The following TSHR variants were observed in gnomAD, a reference collection of about 807,000 sequenced individuals.
The protein encoded by TSHR is thyrotropin receptor.
TSHR carries 51 observed loss-of-function variants against 64.1 expected under a neutral mutation model. The observed-to-expected ratio is 0.80, with a 90% CI of 0.64 to 1.01. TSHR has a LOEUF of 1.01. Ranked by LOEUF, TSHR falls within the 50% of genes least tolerant of loss-of-function variation. The pLI, the probability that TSHR is intolerant of heterozygous loss-of-function variation, is 0.00. For synonymous variants in TSHR, 361 were observed against 361.9 expected (o/e 1.00, Z 0.03); for missense variants, 877 against 942.8 (o/e 0.93, Z 0.91).
At chr14:80,993,585 T>C (rs934264692) in intron 1 of TSHR, 1 of 152,116 alleles carries the variant, frequency 6.6e-6, no homozygotes, top group African/African-American at 2.4e-5. Flanking sequence ...CTAATCGTCA[T>C]ATCAAATACA....
rs984067502 is a variant in TSHR, at chr14:81,102,766, A to G, written c.615-5609A>G. On this transcript the variant is annotated intron_variant, in intron 7 of 9. Transcript: ENST00000298171. The stretch of plus-strand genomic sequence containing the variant: ...GGTCATAGTTTGTAGACCTCTGGAT[A>G]AAAGTATTCAGTGAGGATGACCATT... The G allele has an allele frequency of 3.0e-6, 3 of 984,658 alleles. No homozygotes were observed. In the South Asian group the frequency reaches 1.4e-4, roughly 46 times the overall value. The allele number at this position is 984,658 out of a possible 1,614,324, so 61.0% of individuals were successfully genotyped here. A position where few individuals can be genotyped will look rare whatever the true frequency, so the allele number is the denominator to read the frequency against.
At chr14:81,142,795 A>G in intron 9 of TSHR, 145 bp from the exon 10 acceptor site, 1 of 729,186 alleles carries the variant, frequency 1.4e-6, no homozygotes, top group Non-Finnish European at 2.4e-6. Flanking sequence ...TTTTTTATAG[A>G]GATGGGATTT....
At chr14:81,011,498 G>A (rs948454463) in intron 1 of TSHR, among the ~76,000 whole-genome samples, 13 of 151,948 alleles carry the variant, frequency 8.6e-5, no homozygotes, top group African/African-American at 3.1e-4. Flanking sequence ...AATTTGTACA[G>A]TATTTATAGT....
intron 1 of TSHR, among the ~76,000 whole-genome samples, chr14:81,058,498 C>T (rs762659800): frequency 1.3e-5 from 2 of 152,098 alleles, no homozygotes; most frequent in Non-Finnish European, 2.9e-5. Context: ...ACATATGATG[C>T]CTTAATCGTT....
intron 1 of TSHR, among the ~76,000 whole-genome samples, chr14:80,969,919 T>C (rs923614829): frequency 6.6e-6 from 1 of 152,218 alleles, no homozygotes; most frequent in African/African-American, 2.4e-5. Flanking sequence ...CCAGGTAAAT[T>C]ACTTGCTACT....
At chr14:80,985,883 G>A (rs28685026) in intron 1 of TSHR, among the ~76,000 whole-genome samples, 8,691 of 152,266 alleles carry the variant, frequency 0.057, 802 homozygotes, top group African/African-American at 0.2. Flanking sequence ...TTCATTAAGT[G>A]TATAGCACTT....
intron 8 of TSHR, among the ~76,000 whole-genome samples, chr14:81,128,814 C>T (rs1204442256): frequency 6.6e-6 from 1 of 152,152 alleles, no homozygotes; most frequent in African/African-American, 2.4e-5. Context: ...TTGAGATCTT[C>T]CCTGAATGCC....
intron 1 of TSHR, chr14:81,001,677 A>T: frequency 1.9e-6 from 1 of 515,220 alleles, no homozygotes; most frequent in Non-Finnish European, 3.9e-6. Context: ...GGCTTTTCGT[A>T]CAGGCACACC....
intron 1 of TSHR, among the ~76,000 whole-genome samples, chr14:80,956,775 A>G (rs1024114528): frequency 6.6e-6 from 1 of 152,210 alleles, no homozygotes; most frequent in African/African-American, 2.4e-5. Context: ...TTAGCTCATG[A>G]AGACTATTTA....
At chr14:81,016,303 A>G (rs1320376111) in intron 1 of TSHR, among the ~76,000 whole-genome samples, 2 of 152,154 alleles carry the variant, frequency 1.3e-5, no homozygotes, top group Non-Finnish European at 2.9e-5. Context: ...CTTTGTGTTG[A>G]TAACCATCCT....
intron 1 of TSHR, among the ~76,000 whole-genome samples, chr14:81,055,585 C>G (rs1246863131): frequency 6.6e-6 from 1 of 152,178 alleles, no homozygotes; most frequent in Non-Finnish European, 1.5e-5. Context: ...TGTCCAACAC[C>G]ATGGGAACTC....
chr14:81,020,496 C>A (rs150360417), intron 1 of TSHR, among the ~76,000 whole-genome samples: 17 of 152,148 alleles, frequency 1.1e-4, no homozygotes, highest in Admixed American at 1.1e-3. Context: ...ACTGCACATG[C>A]GAGGGACCTA....
chr14:81,131,240 T>A (rs1891236261), intron 8 of TSHR, among the ~76,000 whole-genome samples: 1 of 152,116 alleles, frequency 6.6e-6, no homozygotes, highest in African/African-American at 2.4e-5. Context: ...CATCAGAAAG[T>A]CCCAATGGCT....
At chr14:81,076,349 T>C (rs1887502212) in intron 3 of TSHR, among the ~76,000 whole-genome samples, 1 of 152,158 alleles carries the variant, frequency 6.6e-6, no homozygotes, top group South Asian at 2.1e-4. Flanking sequence ...TGTAGTCTTC[T>C]CTTTTCACTC....
intron 1 of TSHR, among the ~76,000 whole-genome samples, chr14:81,040,360 T>C (rs1460437489): frequency 2.0e-5 from 3 of 151,980 alleles, no homozygotes; most frequent in African/African-American, 7.2e-5. Context: ...ATAAAATTAC[T>C]AGAATAAAAC....
intron 8 of TSHR, among the ~76,000 whole-genome samples, chr14:81,139,050 A>G (rs879806353): frequency 6.6e-5 from 10 of 152,190 alleles, no homozygotes; most frequent in Admixed American, 6.5e-4. Context: ...AAGTGATTTG[A>G]ATCTGATTTC....
intron 3 of TSHR, among the ~76,000 whole-genome samples, chr14:81,074,028 T>C (rs552477823): frequency 1.1e-3 from 168 of 152,286 alleles, no homozygotes; most frequent in African/African-American, 3.8e-3. Context: ...TATTATGATC[T>C]TTTTCCTCAC....
chr14:81,066,376 A>G (rs1017492711), intron 2 of TSHR, among the ~76,000 whole-genome samples: 1 of 152,170 alleles, frequency 6.6e-6, no homozygotes, highest in Non-Finnish European at 1.5e-5. Flanking sequence ...ATTCCTTTCA[A>G]TCTGTTCCAT....
intron 1 of TSHR, among the ~76,000 whole-genome samples, chr14:81,056,118 T>A (rs1198693041): frequency 6.6e-6 from 1 of 152,170 alleles, no homozygotes; most frequent in African/African-American, 2.4e-5. Context: ...TGAAATCCGA[T>A]GATTTTAAAG....
Sources: allele counts gnomAD v4.1 joint callset (sites outside exome capture counted in the v4.1 genomes callset), GRCh38; gene constraint gnomAD v4.1.1; transcripts MANE v1.5; gene names NCBI Gene and HGNC (gene_info 2026-07-23, HGNC 2026-07-21).